SLC6A19: variants seen among roughly 807,000 people sequenced by gnomAD.
The protein encoded by SLC6A19 is sodium-dependent neutral amino acid transporter B(0)AT1.
Under a neutral mutation model 68.3 loss-of-function variants are expected in SLC6A19, and 67 were observed. The observed-to-expected ratio is 0.98, with a 90% CI of 0.81 to 1.20. SLC6A19 has a LOEUF of 1.20. Ranked by LOEUF, SLC6A19 falls within the 50% of genes most tolerant of loss-of-function variation. The pLI is 0.00. For missense variants in SLC6A19, 813 were observed against 851.6 expected (o/e 0.95, Z 0.56); for synonymous variants, 392 against 374.9 (o/e 1.05, Z -0.53).
intron 1 of SLC6A19, among the ~76,000 whole-genome samples, chr5:1,205,809 A>C (rs1745836053): frequency 6.6e-6 from 1 of 152,174 alleles, no homozygotes; most frequent in Admixed American, 6.5e-5. Flanking sequence ...TAACCTAATG[A>C]GCAGGCCCTG....
intron 1 of SLC6A19, among the ~76,000 whole-genome samples, chr5:1,203,454 G>A (rs951304128): frequency 6.6e-6 from 1 of 152,166 alleles, no homozygotes; most frequent in African/African-American, 2.4e-5. Flanking sequence ...GCAGGCCCAG[G>A]TGAGGAGGGC....
intron 1 of SLC6A19, among the ~76,000 whole-genome samples, chr5:1,204,020 A>C (rs1291631788): frequency 6.6e-6 from 1 of 152,140 alleles, no homozygotes. Context: ...GGGAGGCCAC[A>C]CCCACAGACA....
chr5:1,210,672 G>T, intron 3 of SLC6A19, 91 bp downstream of exon 3: 1 of 1,579,048 alleles, frequency 6.3e-7, no homozygotes, highest in Non-Finnish European at 8.6e-7. Context: ...CTCAGGTCAG[G>T]CGTGGCAGAA....
At chr5:1,217,808 C>T (rs1333612105) in intron 8 of SLC6A19, among the ~76,000 whole-genome samples, 1 of 152,238 alleles carries the variant, frequency 6.6e-6, no homozygotes, top group Non-Finnish European at 1.5e-5. Flanking sequence ...TGTGCAGCAC[C>T]CCCGTCCACG....
rs544673898 is a variant in SLC6A19 at position 1,207,029 on chromosome 5, G to A, written c.203-1717G>A. 6.6e-5 allele frequency among the ~76,000 whole-genome samples: 10 copies of A among 152,358 alleles called. No homozygotes were observed. In the South Asian group the frequency reaches 1.7e-3, roughly 25 times the overall value. The stretch of plus-strand genomic sequence containing the variant: ...CTTCCGTCCAGCCTGGGGCAGGCGC[G>A]ACGGGAGCTGCTTCCGCGTCCCCAT... On this transcript the variant is annotated intron_variant, in intron 1 of 11. Coordinates refer to ENST00000304460, the MANE Select transcript of SLC6A19 (RefSeq NM_001003841.3).
intron 10 of SLC6A19, among the ~76,000 whole-genome samples, chr5:1,220,768 T>C (rs1394297324): frequency 6.6e-6 from 1 of 151,766 alleles, no homozygotes; most frequent in Middle Eastern, 3.2e-3. Context: ...AGCCGTAGGG[T>C]GGGGAAGGTG....
chr5:1,215,089 C>A lies in SLC6A19; in HGVS notation c.887+1024C>A, dbSNP rs917192769. On this transcript the variant is annotated intron_variant, in intron 6 of 11. Transcript: ENST00000304460. This position sits in a 1 kb window ranked among gnomAD's most constrained non-coding sequence, Gnocchi z 5.1. ...ACTGGGTGGAGCAGTGAAGCCCCACCCAGGCCTCAGGAGCTCCCCTGGGTG... is the reference window on the plus strand; with the variant it reads ...ACTGGGTGGAGCAGTGAAGCCCCACACAGGCCTCAGGAGCTCCCCTGGGTG... Among the ~76,000 whole-genome samples, 9 of 151,752 alleles carry A rather than the reference C, an allele frequency of 5.9e-5. No individual in the cohort carries two copies. Among genetic ancestry groups the A allele is most frequent in the Admixed American group, 2.0e-4 (3 of 15,248 alleles).
intron 11 of SLC6A19, 151 bp from the exon 12 acceptor site, chr5:1,221,550 G>T: frequency 9.1e-7 from 1 of 1,103,498 alleles, no homozygotes; most frequent in Non-Finnish European, 1.3e-6. Context: ...GGAGTTGGGA[G>T]GTAGGGGAAA....
chr5:1,221,965 T>G lies in SLC6A19; in HGVS notation c.*61T>G. ...CAGGGAAGGAGGAACCAGCAAGACC[T>G]GTGGGGTGGGGGCCGGGCTGCACCT... is the stretch of plus-strand genomic sequence containing the variant. On this transcript the variant is annotated 3_prime_UTR_variant, in exon 12 of 12. Coordinates refer to ENST00000304460, the MANE Select transcript of SLC6A19 (RefSeq NM_001003841.3). The G allele has an allele frequency of 2.5e-6, 4 of 1,583,254 alleles. No individual in the cohort carries two copies. Among genetic ancestry groups the G allele is most frequent in the Non-Finnish European group, 3.5e-6 (4 of 1,159,152 alleles).
At chr5:1,217,708 C>T (rs1746247362) in intron 8 of SLC6A19, among the ~76,000 whole-genome samples, 1 of 152,228 alleles carries the variant, frequency 6.6e-6, no homozygotes, top group Admixed American at 6.5e-5. Flanking sequence ...CCAACAGGGC[C>T]GTCTGGTCTA....
In SLC6A19 at chr5:1,219,616, T is replaced by G; in HGVS notation, c.1490T>G (p.Ile497Ser). Residue 497 changes from isoleucine (I) to serine (S), a missense_variant, in exon 10 of 12, where the codon ATC (isoleucine) becomes AGC (serine). Coordinates refer to ENST00000304460, the MANE Select transcript of SLC6A19 (RefSeq NM_001003841.3). Reference protein sequence around the residue: ...SYAGSIPLLIIAFCEMFSVVY... With the variant: ...SYAGSIPLLISAFCEMFSVVY... ...GCCGGCTCCATTCCCCTGCTCATCA[T>G]CGCCTTCTGCGAGATGTTCTCTGTG... The G allele has an allele frequency of 6.2e-7, 1 of 1,610,154 alleles. No homozygotes were observed. Among genetic ancestry groups the G allele is most frequent in the Non-Finnish European group, 8.5e-7 (1 of 1,180,026 alleles).
At position 1,208,820 on chromosome 5, in the gene SLC6A19, G is replaced by A. The variant is rs757679627; in HGVS notation, c.277G>A (p.Gly93Arg). 2.0e-5 allele frequency: 33 copies of A among 1,613,106 alleles called. No individual in the cohort carries two copies. Among genetic ancestry groups the A allele is most frequent in the African/African-American group, 2.7e-5 (2 of 74,882 alleles). Residue 93 changes from glycine (G) to arginine (R), a missense_variant, in exon 2 of 12, where the codon GGG becomes AGG. Gly to Arg is a moderately radical substitution (Grantham distance 125). Transcript: ENST00000304460. ...IPLLYLEFAI[G>R]QRLRRGSLGV... ...CCTGCTGTACCTGGAGTTCGCCATC[G>A]GGCAGCGGCTGCGGCGGGGCAGCCT... is the stretch of plus-strand genomic sequence containing the variant.
intron 9 of SLC6A19, 23 bp from the exon 10 acceptor site, chr5:1,219,482 C>T (rs1746304917): frequency 6.2e-7 from 1 of 1,608,524 alleles, no homozygotes; most frequent in Non-Finnish European, 8.5e-7. Flanking sequence ...GGCGTGTGAG[C>T]AGCTCTGTCC....
chr5:1,214,929 G>A lies in SLC6A19; in HGVS notation c.887+864G>A, dbSNP rs1209269160. On this transcript the variant is annotated intron_variant, in intron 6 of 11. Coordinates refer to ENST00000304460, the MANE Select transcript of SLC6A19 (RefSeq NM_001003841.3). The surrounding 1 kb of genome is among the most constrained non-coding windows in gnomAD (Gnocchi z 7.4). ...GAGGGCATAGCTGAGGCGGGGCTGG[G>A]GCTTGGCAGGTGCAGAGCCCAGGCA... Among the ~76,000 whole-genome samples the A allele has an allele frequency of 5.3e-5, 8 of 152,032 alleles. 1 individual carries two copies. Among genetic ancestry groups the A allele is most frequent in the Admixed American group, 2.0e-4 (3 of 15,282 alleles).
chr5:1,221,347 AGGAAT>A (rs1214130361), intron 11 of SLC6A19, 34 bp downstream of exon 11: 2 of 1,608,974 alleles, frequency 1.2e-6, no homozygotes, highest in Non-Finnish European at 1.7e-6. Flanking sequence ...GGGTGGGGAG[AGGAAT>A]GGGGAAGGGG....
At chr5:1,204,532 G>A (rs1005119188) in intron 1 of SLC6A19, among the ~76,000 whole-genome samples, 2 of 152,210 alleles carry the variant, frequency 1.3e-5, no homozygotes, top group Non-Finnish European at 2.9e-5. Context: ...ACATCCCCAC[G>A]GCAGGGCCCC....
rs1746433793 is a variant in SLC6A19 at position 1,222,813 on chromosome 5, A to C, written c.*909A>C. 6.6e-6 allele frequency: 1 copy of C among 152,598 alleles called. No homozygotes were observed. The highest frequency in any genetic ancestry group is 2.1e-4 in the South Asian group (1 of 4,838). 9.5% of individuals were successfully genotyped at this position (152,598 alleles called of 1,614,324 possible). The stretch of plus-strand genomic sequence containing the variant: ...TGTCCTTGCCACAGTCACGGGGTGC[A>C]TGTGCAGAGGGGAGCAGACCACTGG... On this transcript the variant is annotated 3_prime_UTR_variant, in exon 12 of 12. Transcript: ENST00000304460.
intron 1 of SLC6A19, among the ~76,000 whole-genome samples, chr5:1,202,312 G>A (rs1483356722): frequency 2.0e-5 from 3 of 152,204 alleles, no homozygotes; most frequent in Non-Finnish European, 2.9e-5. Context: ...GGAGCAGAGT[G>A]GGTAGCCGGA....
Position 1,214,803 on chromosome 5 carries a change from T to G in SLC6A19, c.887+738T>G, listed in dbSNP as rs941694369. Among the ~76,000 whole-genome samples, 24 of 129,830 alleles carry G rather than the reference T, an allele frequency of 1.8e-4. No individual in the cohort carries two copies. The highest frequency in any genetic ancestry group is 7.0e-4 in the African/African-American group (24 of 34,378). 85.2% of individuals were successfully genotyped at this position (129,830 alleles called of 152,430 possible). On this transcript the variant is annotated intron_variant, in intron 6 of 11. Transcript: ENST00000304460. The surrounding 1 kb of genome is among the most constrained non-coding windows in gnomAD (Gnocchi z 7.4). ...GGAGTCAGACACAGGGGACCCTCAG[T>G]GCAAGGGGGCAGGGCCTGGGTAGGG...
Sources: gnomAD v4.1 joint callset for allele counts (sites outside exome capture counted in the v4.1 genomes callset) on GRCh38, gnomAD v4.1.1 for gene constraint, Gnocchi (gnomAD v3.1) non-coding constraint, MANE v1.5 for transcripts, NCBI Gene and HGNC (gene_info 2026-07-23, HGNC 2026-07-21) for gene names.